The following ASPH variants were observed in gnomAD, a reference collection of about 807,000 sequenced individuals.
ASPH encodes aspartate beta-hydroxylase.
ASPH carries 100 observed loss-of-function variants against 118.4 expected under a neutral mutation model. The observed-to-expected ratio is 0.84, with a 90% CI of 0.72 to 1.00. The LOEUF is 1.00. Among genes scored for constraint, ASPH ranks in the 50% least tolerant of loss-of-function variants. The pLI is 0.00. For missense variants in ASPH, 920 were observed against 919.5 expected, an observed-to-expected ratio of 1.00 and a Z score of -0.01; for synonymous variants, 315 against 325.6, an observed-to-expected ratio of 0.97 and a Z score of 0.35.
intron 3 of ASPH, chr8:61,665,232 G>A: frequency 6.4e-7 from 1 of 1,558,352 alleles, no homozygotes; most frequent in Non-Finnish European, 8.6e-7. Flanking sequence ...CCATGTTCTG[G>A]GATGATGATG....
intron 1 of ASPH, among the ~76,000 whole-genome samples, chr8:61,687,132 AC>A (rs1830874986): frequency 6.6e-6 from 1 of 152,118 alleles, no homozygotes; most frequent in Non-Finnish European, 1.5e-5. Flanking sequence ...AGCTAATAAA[AC>A]AAAGTAATAG....
chr8:61,559,950 G>T (rs961303369), intron 18 of ASPH, among the ~76,000 whole-genome samples: 3 of 149,952 alleles, frequency 2.0e-5, no homozygotes, highest in Non-Finnish European at 3.0e-5. Flanking sequence ...TTGGGGGGGG[G>T]AGCAAGCTAG....
In ASPH at chr8:61,644,635, G is replaced by A. The variant is rs770070785; in HGVS notation, c.620-3C>T. On this transcript the variant is annotated splice_region_variant and splice_polypyrimidine_tract_variant and intron_variant, in intron 6 of 24. Coordinates refer to ENST00000379454, the MANE Select transcript of ASPH (RefSeq NM_004318.4). ...CACGTGGTAACTATGCTCGGTTTCT[G>A]GAAAAAAAAAAATTAGATTGATATT... 1 of 1,577,070 alleles carries A rather than the reference G, an allele frequency of 6.3e-7. No individual in the cohort carries two copies. The highest frequency in any genetic ancestry group is 8.6e-7 in the Non-Finnish European group (1 of 1,162,304).
intron 3 of ASPH, chr8:61,676,097 A>G: frequency 6.3e-7 from 1 of 1,599,420 alleles, no homozygotes; most frequent in Non-Finnish European, 8.5e-7. Flanking sequence ...TAAATCCAAT[A>G]TGACACAAGT....
intron 10 of ASPH, among the ~76,000 whole-genome samples, chr8:61,640,128 T>C (rs1465805271): frequency 6.6e-6 from 1 of 152,172 alleles, no homozygotes; most frequent in Non-Finnish European, 1.5e-5. Context: ...TCAGCACTCA[T>C]CTCACATGGT....
At chr8:61,688,922 A>G (rs932949809) in intron 1 of ASPH, among the ~76,000 whole-genome samples, 6 of 152,214 alleles carry the variant, frequency 3.9e-5, no homozygotes, top group Non-Finnish European at 8.8e-5. Context: ...ATATTCACAT[A>G]GTACATGCTT....
intron 10 of ASPH, among the ~76,000 whole-genome samples, chr8:61,639,128 G>A (rs947984965): frequency 6.6e-6 from 1 of 152,200 alleles, no homozygotes; most frequent in African/African-American, 2.4e-5. Flanking sequence ...GCATTTGAAA[G>A]ATGAAGGAGC....
intron 3 of ASPH, among the ~76,000 whole-genome samples, chr8:61,668,755 G>A (rs564802813): frequency 1.3e-5 from 2 of 152,196 alleles, no homozygotes; most frequent in East Asian, 3.9e-4. Flanking sequence ...AGTTCGCACT[G>A]TCTTTTAAAA....
intron 1 of ASPH, among the ~76,000 whole-genome samples, chr8:61,696,853 A>AT (rs944224277): frequency 1.3e-5 from 2 of 152,134 alleles, no homozygotes; most frequent in Non-Finnish European, 2.9e-5. Context: ...AAAAAAGGTT[A>AT]TTTTTTCAAA....
In ASPH at chr8:61,548,149, G is replaced by C. The variant is rs749861045; in HGVS notation, c.1686C>G (p.Arg562=). 1 of 1,613,994 alleles carries C rather than the reference G, an allele frequency of 6.2e-7. No homozygotes were observed. Among genetic ancestry groups the C allele is most frequent in the Non-Finnish European group, 8.5e-7 (1 of 1,179,900 alleles). The change falls in exon 21 of 25, where the codon CGC becomes CGG. Residue 562 remains arginine, a synonymous_variant. Coordinates refer to ENST00000379454, the MANE Select transcript of ASPH (RefSeq NM_004318.4). ...TCAGTCCATTCACATTGTAGAGTGA[G>C]CGTTGCCAGACAGATGCAAAGTGTC... ...KRGHFASVWQ[R]SLYNVNGLKA... is the part of the protein sequence containing the mutation.
At chr8:61,689,596 A>G (rs1039110252) in intron 1 of ASPH, 19 of 1,397,498 alleles carry the variant, frequency 1.4e-5, no homozygotes, top group Non-Finnish European at 1.8e-5. Flanking sequence ...ATATTTTAAC[A>G]GAGCACCACT....
At chr8:61,586,258 C>T (rs910287008) in intron 14 of ASPH, among the ~76,000 whole-genome samples, 5 of 152,182 alleles carry the variant, frequency 3.3e-5, no homozygotes, top group Admixed American at 6.5e-5. Context: ...GTCTCTTTAG[C>T]GGCTTTAACT....
At chr8:61,630,554 A>G (rs1855107308) in intron 13 of ASPH, among the ~76,000 whole-genome samples, 1 of 152,184 alleles carries the variant, frequency 6.6e-6, no homozygotes, top group African/African-American at 2.4e-5. Context: ...TAGATCAAAT[A>G]TATGATGGTG....
chr8:61,609,787 A>C (rs984286078), intron 14 of ASPH, among the ~76,000 whole-genome samples: 1 of 152,192 alleles, frequency 6.6e-6, no homozygotes, highest in African/African-American at 2.4e-5. Context: ...GCTCAGACTA[A>C]GGTAATTTTC....
intron 15 of ASPH, chr8:61,579,071 C>G (rs1276936258): frequency 7.5e-6 from 12 of 1,610,180 alleles, no homozygotes; most frequent in Non-Finnish European, 9.3e-6. Context: ...TGTACCAGAT[C>G]AAGTATGAGG....
chr8:61,664,196 T>C (rs993142191), intron 3 of ASPH: 1 of 969,372 alleles, frequency 1.0e-6, no homozygotes, highest in African/African-American at 1.8e-5. Context: ...ACTTCACTTT[T>C]ATATTAAATG....
intron 21 of ASPH, among the ~76,000 whole-genome samples, chr8:61,529,587 A>G (rs144580597): frequency 6.4e-4 from 98 of 152,346 alleles, no homozygotes; most frequent in African/African-American, 2.3e-3. Flanking sequence ...CAAACCAAGG[A>G]ATCACGTAAT....
At chr8:61,622,500 C>G (rs138521579) in intron 13 of ASPH, among the ~76,000 whole-genome samples, 3 of 152,328 alleles carry the variant, frequency 2.0e-5, no homozygotes, top group African/African-American at 7.2e-5. Flanking sequence ...ACACTGGCAT[C>G]TGTTCTTTCC....
At chr8:61,535,053 T>C (rs1400149182) in intron 21 of ASPH, among the ~76,000 whole-genome samples, 1 of 152,194 alleles carries the variant, frequency 6.6e-6, no homozygotes, top group Non-Finnish European at 1.5e-5. Context: ...TTCCTCTTCT[T>C]ATAAGGACAC....
Sources: allele counts gnomAD v4.1 joint callset (sites outside exome capture counted in the v4.1 genomes callset), GRCh38; gene constraint gnomAD v4.1.1; transcripts MANE v1.5; gene names NCBI Gene and HGNC (gene_info 2026-07-23, HGNC 2026-07-21).